Variants in PDE4D observed in about 807,000 individuals in gnomAD.
PDE4D encodes 3',5'-cyclic-AMP phosphodiesterase 4D.
Under a neutral mutation model 87.4 loss-of-function variants are expected in PDE4D, and 24 were observed. The observed-to-expected ratio is 0.27, with a 90% CI of 0.20 to 0.39. PDE4D has a LOEUF of 0.39. PDE4D is among the 10% of genes least tolerant of loss of function. The probability of loss-of-function intolerance (pLI) is 1.00; values close to 1 mark genes in which losing one functional copy is unlikely to be tolerated. For missense variants in PDE4D, 714 were observed against 1,041.0 expected (o/e 0.69, Z 4.32); for synonymous variants, 384 against 383.2 (o/e 1.00, Z -0.02).
intron 6 of PDE4D, among the ~76,000 whole-genome samples, chr5:59,010,702 A>T (rs1486204581): frequency 6.6e-6 from 1 of 152,170 alleles, no homozygotes; most frequent in East Asian, 1.9e-4. Context: ...AAGATGGCCA[A>T]ATAGGAACAG....
At chr5:59,974,249 T>C (rs747158638) in intron 3 of PDE4D, among the ~76,000 whole-genome samples, 1 of 152,198 alleles carries the variant, frequency 6.6e-6, no homozygotes, top group Non-Finnish European at 1.5e-5. Flanking sequence ...AAAGCAATAG[T>C]GTTTAATTCA....
At chr5:59,766,333 T>C (rs1762788748) in intron 1 of PDE4D, among the ~76,000 whole-genome samples, 1 of 152,204 alleles carries the variant, frequency 6.6e-6, no homozygotes, top group Non-Finnish European at 1.5e-5. Flanking sequence ...GCTCTCTTTA[T>C]GCTTTTCTTA....
chr5:59,024,225 GA>G (rs1194570101), intron 6 of PDE4D, among the ~76,000 whole-genome samples: 11 of 118,806 alleles, frequency 9.3e-5, no homozygotes, highest in Non-Finnish European at 1.8e-4. Context: ...TTTTGAGACA[GA>G]GTCTTGCTCT....
intron 1 of PDE4D, among the ~76,000 whole-genome samples, chr5:59,706,458 C>T (rs935473348): frequency 1.3e-5 from 2 of 152,144 alleles, no homozygotes; most frequent in Non-Finnish European, 2.9e-5. Flanking sequence ...GCTAGGATAT[C>T]AGACATGATG....
intron 1 of PDE4D, among the ~76,000 whole-genome samples, chr5:59,284,515 T>C (rs372566104): frequency 2.6e-5 from 4 of 151,742 alleles, no homozygotes; most frequent in African/African-American, 7.2e-5. Context: ...CTATGAGATA[T>C]CATCTCACAC....
intron 5 of PDE4D, chr5:59,039,468 A>C (rs2153394188): frequency 5.1e-6 from 5 of 986,846 alleles, no homozygotes; most frequent in Non-Finnish European, 6.0e-6. Flanking sequence ...TCTGCACGGC[A>C]CTTGAAGTGA....
chr5:59,176,708 CTTTTTTAAAAATT>C (rs1421600146), intron 5 of PDE4D, among the ~76,000 whole-genome samples: 1 of 152,116 alleles, frequency 6.6e-6, no homozygotes, highest in East Asian at 1.9e-4. Context: ...CTTAACTCTT[CTTTTTTAAAAATT>C]AGAGTTGGTT....
intron 1 of PDE4D, among the ~76,000 whole-genome samples, chr5:60,408,238 TA>T (rs1028736467): frequency 2.6e-5 from 4 of 151,948 alleles, no homozygotes; most frequent in East Asian, 1.9e-4. Flanking sequence ...TGCGTGAGCA[TA>T]AAAAAAATGG....
intron 3 of PDE4D, 134 bp downstream of exon 3, chr5:59,193,366 C>T (rs1744745506): frequency 2.3e-6 from 2 of 861,400 alleles, no homozygotes; most frequent in East Asian, 5.3e-5. Context: ...TTTTGAATTG[C>T]TTGAATGAAC....
intron 6 of PDE4D, among the ~76,000 whole-genome samples, chr5:59,016,936 G>A (rs1754122936): frequency 6.6e-6 from 1 of 152,118 alleles, no homozygotes; most frequent in Non-Finnish European, 1.5e-5. Flanking sequence ...TCTCAATGAA[G>A]GAAAAGAGGG....
chr5:59,795,227 G>T (rs1766324369), intron 1 of PDE4D, among the ~76,000 whole-genome samples: 1 of 152,212 alleles, frequency 6.6e-6, no homozygotes, highest in South Asian at 2.1e-4. Context: ...CTCCTTCTAA[G>T]TCTAATCGTT....
At chr5:59,122,640 C>T (rs959969116) in intron 5 of PDE4D, among the ~76,000 whole-genome samples, 1 of 152,100 alleles carries the variant, frequency 6.6e-6, no homozygotes, top group African/African-American at 2.4e-5. Context: ...CACATGAACC[C>T]CATAAATATA....
chr5:60,185,851 A>G (rs1472245028), intron 1 of PDE4D, among the ~76,000 whole-genome samples: 2 of 152,110 alleles, frequency 1.3e-5, no homozygotes, highest in Non-Finnish European at 2.9e-5. Context: ...CAACATTTCC[A>G]AAACAGCTTT....
chr5:60,061,824 C>A (rs1226773140), intron 2 of PDE4D, among the ~76,000 whole-genome samples: 2 of 152,072 alleles, frequency 1.3e-5, no homozygotes, highest in East Asian at 3.9e-4. Flanking sequence ...GAAAGGATTC[C>A]CTGTTTAATA....
At chr5:59,807,082 C>T (rs190854711) in intron 1 of PDE4D, among the ~76,000 whole-genome samples, 27 of 152,238 alleles carry the variant, frequency 1.8e-4, no homozygotes, top group Admixed American at 2.6e-4. Context: ...TAGCAACCAA[C>T]GAGCCCCTTT....
chr5:59,896,906 A>C (rs1294736606), upstream of PDE4D, among the ~76,000 whole-genome samples: 2 of 152,338 alleles, frequency 1.3e-5, no homozygotes, highest in Admixed American at 1.3e-4. Context: ...TTTAATTAAA[A>C]CAACAAAAAT....
intron 1 of PDE4D, among the ~76,000 whole-genome samples, chr5:60,248,356 T>C (rs1748035134): frequency 1.3e-5 from 2 of 151,978 alleles, no homozygotes; most frequent in African/African-American, 4.8e-5. Flanking sequence ...TGGTGCAAGA[T>C]AAGGACAGAG....
intron 1 of PDE4D, among the ~76,000 whole-genome samples, chr5:60,302,239 A>G (rs1187587958): frequency 1.3e-5 from 2 of 152,202 alleles, no homozygotes; most frequent in African/African-American, 2.4e-5. Flanking sequence ...TTTCAGCAGA[A>G]ATAGTACCAG....
chr5:60,080,044 T>C lies in PDE4D; in HGVS notation c.43-91327A>G, dbSNP rs566164634. ...TTTTCCATTTGTTTGTGTCCTCTCT[T>C]ATTTCCTTGAGCAGTGGCTTATAGT... On this transcript the variant is annotated intron_variant, in intron 2 of 16. Coordinates refer to the PDE4D transcript ENST00000502484. 2.0e-5 allele frequency among the ~76,000 whole-genome samples: 3 copies of C among 152,312 alleles called. 1 individual carries two copies. In the East Asian group the frequency reaches 5.8e-4, roughly 29 times the overall value.
Sources: gnomAD v4.1 joint callset for allele counts (sites outside exome capture counted in the v4.1 genomes callset) on GRCh38, gnomAD v4.1.1 for gene constraint, MANE v1.5 for transcripts, NCBI Gene and HGNC (gene_info 2026-07-23, HGNC 2026-07-21) for gene names.